Variants in DNAH1 observed in about 807,000 individuals in gnomAD.
DNAH1 encodes the protein axonemal beta dynein heavy chain 1.
DNAH1 carries 327 observed loss-of-function variants against 484.3 expected under a neutral mutation model. The ratio of observed to expected loss-of-function variants is 0.68; its 90% CI spans 0.62 to 0.74. The LOEUF is 0.74. DNAH1 is among the 30% of genes least tolerant of loss of function. The probability of loss-of-function intolerance (pLI) is 0.00; values close to 1 mark genes in which losing one functional copy is unlikely to be tolerated. For missense variants in DNAH1, 5,052 were observed against 5,546.8 expected, an observed-to-expected ratio of 0.91 and a Z score of 2.83; for synonymous variants, 2,192 against 2,191.9, an observed-to-expected ratio of 1.00 and a Z score of 0.00.
At chr3:52,374,013 C>G (rs1345626763) in intron 44 of DNAH1, 1 of 1,048,966 alleles carries the variant, frequency 9.5e-7, no homozygotes, top group East Asian at 2.4e-5. Flanking sequence ...GATTTCCAAT[C>G]TAATATAGCG....
At chr3:52,330,412 C>A (rs925522324) in intron 6 of DNAH1, among the ~76,000 whole-genome samples, 1 of 152,164 alleles carries the variant, frequency 6.6e-6, no homozygotes, top group Non-Finnish European at 1.5e-5. Context: ...ATTTTAGGCA[C>A]AGAGGCTTCT....
At chr3:52,385,818 G>A (rs182835281) in intron 54 of DNAH1, among the ~76,000 whole-genome samples, 2 of 152,194 alleles carry the variant, frequency 1.3e-5, no homozygotes, top group African/African-American at 4.8e-5. Flanking sequence ...TGTCCTGCTC[G>A]GCAAAGTCAG....
At chr3:52,345,809 A>G (rs2153223751) in intron 10 of DNAH1, 103 bp downstream of exon 10, 1 of 1,197,662 alleles carries the variant, frequency 8.3e-7, no homozygotes, top group Non-Finnish European at 1.2e-6. Context: ...AGTGGGCCAC[A>G]TGGTGAGGCT....
rs112505934 is a variant in DNAH1 at position 52,372,236 on chromosome 3, A to C, written c.6676A>C (p.Ile2226Leu). The C allele has an allele frequency of 1.2e-6, 2 of 1,613,868 alleles. No homozygotes were observed. The highest frequency in any genetic ancestry group is 4.5e-5 in the East Asian group (2 of 44,882). ...ATCCCCGCTCTGCCAGGTGCTGTGC[A>C]TTGGGCCAACAGGCACGGGGAAGAC... ...LLTNKKPVLC[I>L]GPTGTGKTLT... is the part of the protein sequence containing the mutation. Residue 2226 changes from isoleucine (I) to leucine (L), a missense_variant, in exon 43 of 78, where the codon ATT becomes CTT. By Grantham distance (5) the Ile-to-Leu change is conservative. Around this residue, in one of 4 missense-constraint regions of DNAH1, gnomAD observed 2,929 missense variants for 3,409.4 expected, o/e 0.86. Coordinates refer to ENST00000420323, the MANE Select transcript of DNAH1 (RefSeq NM_015512.5).
At chr3:52,359,414 C>T (rs755904810) in intron 26 of DNAH1, 28 bp downstream of exon 26, 5 of 1,558,410 alleles carry the variant, frequency 3.2e-6, no homozygotes, top group Non-Finnish European at 4.3e-6. Context: ...CCCTGTCTGT[C>T]CCCCTCCACC....
intron 28 of DNAH1, 73 bp downstream of exon 28, chr3:52,360,497 G>C (rs781705620): frequency 4.2e-5 from 54 of 1,298,840 alleles, no homozygotes; most frequent in Non-Finnish European, 5.9e-5. Context: ...GGAATCCAGG[G>C]ACCATGGCCA....
intron 16 of DNAH1, among the ~76,000 whole-genome samples, chr3:52,351,495 AGG>A (rs1230642662): frequency 2.8e-4 from 43 of 152,332 alleles, no homozygotes; most frequent in African/African-American, 9.4e-4. Context: ...GGCCAGCTGC[AGG>A]TGGAAGCCCC....
Position 52,386,255 on chromosome 3 carries a change from C to T in DNAH1, c.8721C>T (p.Asp2907=), listed in dbSNP as rs557639398. The change falls in exon 55 of 78, where the codon GAC becomes GAT. Residue 2907 remains aspartate, a synonymous_variant. Transcript: ENST00000420323. ...EKAKKAQAIA[D]DAQKDLDEAL... ...CCAAGAAGGCACAAGCTATTGCTGA[C>T]GATGCCCAGAAGGACCTGGACGAGG... is the stretch of plus-strand genomic sequence containing the variant. 17 of 1,612,704 alleles carry T rather than the reference C, an allele frequency of 1.1e-5. No individual in the cohort carries two copies. Among genetic ancestry groups the T allele is most frequent in the African/African-American group, 1.3e-5 (1 of 75,052 alleles).
In DNAH1 at chr3:52,372,901, A is replaced by C; in HGVS notation, c.6833A>C (p.Lys2278Thr). ...CACACAGCCCCTCCCCTCAGGCGGA[A>C]GGGTGTGTTTGGACCACCTCTGGGG... is the stretch of plus-strand genomic sequence containing the variant. ...FIDSKLDKRRKGVFGPPLGRN... is the reference protein window; with the variant it reads ...FIDSKLDKRRTGVFGPPLGRN... Residue 2278 changes from lysine to threonine, a missense_variant, in exon 44 of 78, where the codon AAG becomes ACG. Physicochemically the swap from Lys to Thr is moderately conservative, Grantham distance 78. This residue lies in a region of DNAH1 where 2,929 missense variants were observed against 3,409.4 expected (regional missense o/e 0.86). Coordinates refer to ENST00000420323, the MANE Select transcript of DNAH1 (RefSeq NM_015512.5). 6.2e-7 allele frequency: 1 copy of C among 1,612,388 alleles called. No homozygotes were observed. Among genetic ancestry groups the C allele is most frequent in the South Asian group, 1.1e-5 (1 of 90,974 alleles).
At position 52,398,830 on chromosome 3, in the gene DNAH1, T is replaced by C; in HGVS notation, c.12090-20T>C. On this transcript the variant is annotated intron_variant, in intron 75 of 77. Transcript: ENST00000420323. ...CGTGACCCCAGCCCACTACCTATTC[T>C]CTTGCCACTGGCCTCACAGGTACAA... 4 of 1,509,250 alleles carry C rather than the reference T, an allele frequency of 2.7e-6. No homozygotes were observed. Among genetic ancestry groups the C allele is most frequent in the Non-Finnish European group, 2.7e-6 (3 of 1,126,148 alleles). 93.5% of individuals were successfully genotyped at this position (1,509,250 alleles called of 1,614,324 possible).
At chr3:52,349,448 G>A in intron 14 of DNAH1, 28 bp downstream of exon 14, 1 of 1,596,414 alleles carries the variant, frequency 6.3e-7, no homozygotes, top group South Asian at 1.1e-5. Context: ...CCGCCTCAGT[G>A]ACCACAGCAG....
At chr3:52,383,726 G>A in intron 51 of DNAH1, 132 bp downstream of exon 51, 3 of 1,400,084 alleles carry the variant, frequency 2.1e-6, no homozygotes, top group Non-Finnish European at 2.9e-6. Flanking sequence ...TGGCCATCAT[G>A]CCATTGGGCC....
intron 6 of DNAH1, among the ~76,000 whole-genome samples, chr3:52,328,629 T>C (rs2153223123): frequency 6.6e-6 from 1 of 152,396 alleles, no homozygotes; most frequent in African/African-American, 2.4e-5. Context: ...GTCAATAATC[T>C]GCCCAGGGAG....
At chr3:52,375,776 T>C (rs1021613894) in intron 45 of DNAH1, among the ~76,000 whole-genome samples, 179 bp from the exon 46 acceptor site, 1 of 152,192 alleles carries the variant, frequency 6.6e-6, no homozygotes, top group Admixed American at 6.5e-5. Flanking sequence ...GAAGGCATGT[T>C]ACTTTTGTAA....
chr3:52,377,433 T>A (rs1260353329), intron 46 of DNAH1, among the ~76,000 whole-genome samples: 1 of 152,020 alleles, frequency 6.6e-6, no homozygotes, highest in Non-Finnish European at 1.5e-5. Context: ...CATGGTCTCC[T>A]GGCAGCTGCC....
rs767342710 is a variant in DNAH1, at chr3:52,372,919, C to T, written c.6851C>T (p.Pro2284Leu). 1.1e-5 allele frequency: 17 copies of T among 1,613,514 alleles called. No individual in the cohort carries two copies. The highest frequency in any genetic ancestry group is 1.4e-5 in the Non-Finnish European group (17 of 1,179,774). Reference sequence around the variant, plus strand: ...AGGCGGAAGGGTGTGTTTGGACCACCTCTGGGGCGCAACTTTATCTTCTTC... The same window carrying T: ...AGGCGGAAGGGTGTGTTTGGACCACTTCTGGGGCGCAACTTTATCTTCTTC... ...DKRRKGVFGP[P>L]LGRNFIFFID... Residue 2284 changes from proline to leucine, a missense_variant, in exon 44 of 78, where the codon CCT becomes CTT. Transcript: ENST00000420323.
chr3:52,330,738 G>C (rs1031014612), intron 6 of DNAH1, among the ~76,000 whole-genome samples: 1 of 152,242 alleles, frequency 6.6e-6, no homozygotes, highest in Non-Finnish European at 1.5e-5. Context: ...GGGGCAGCCT[G>C]TGGGGAGGGC....
At chr3:52,398,277 C>T in intron 75 of DNAH1, 115 bp downstream of exon 75, 1 of 1,331,102 alleles carries the variant, frequency 7.5e-7, no homozygotes, top group Non-Finnish European at 1.0e-6. Context: ...TCCTCTAACT[C>T]AGCTATTTTT....
At chr3:52,383,709 C>A in intron 51 of DNAH1, 115 bp downstream of exon 51, 1 of 1,406,550 alleles carries the variant, frequency 7.1e-7, no homozygotes, top group East Asian at 2.5e-5. Context: ...AGACGCGGCC[C>A]TGGGCCTGGC....
Sources: allele counts gnomAD v4.1 joint callset (sites outside exome capture counted in the v4.1 genomes callset), GRCh38; gene constraint gnomAD v4.1.1; regional missense constraint gnomAD v4.1.1; transcripts MANE v1.5; gene names NCBI Gene and HGNC (gene_info 2026-07-23, HGNC 2026-07-21).